The following TBC1D32 variants were observed in gnomAD, a reference collection of about 807,000 sequenced individuals.
TBC1D32 encodes protein broad-minded.
TBC1D32 carries 151 observed loss-of-function variants against 170.3 expected under a neutral mutation model. The ratio of observed to expected loss-of-function variants is 0.89; its 90% CI spans 0.78 to 1.01. The LOEUF (loss-of-function observed/expected upper bound fraction) is 1.01. Ranked by LOEUF, TBC1D32 falls within the 50% of genes least tolerant of loss-of-function variation. The pLI, the probability that TBC1D32 is intolerant of heterozygous loss-of-function variation, is 0.00. For missense variants in TBC1D32, 1,464 were observed against 1,457.1 expected (o/e 1.00, Z -0.08); for synonymous variants, 498 against 488.0 (o/e 1.02, Z -0.27).
At chr6:121,305,059 A>G (rs931978016) in intron 5 of TBC1D32, among the ~76,000 whole-genome samples, 8 of 152,132 alleles carry the variant, frequency 5.3e-5, no homozygotes, top group Non-Finnish European at 1.0e-4. Flanking sequence ...CTATTACTGC[A>G]CAATCCGGTC....
chr6:121,239,022 G>A (rs370144881), intron 20 of TBC1D32, 48 bp downstream of exon 20: 4 of 1,049,784 alleles, frequency 3.8e-6, no homozygotes, highest in African/African-American at 3.1e-5. Context: ...ATTCATTTCT[G>A]TGAAATACTT....
At chr6:121,290,151 G>A (rs1804598651) in intron 12 of TBC1D32, among the ~76,000 whole-genome samples, 1 of 152,134 alleles carries the variant, frequency 6.6e-6, no homozygotes, top group Admixed American at 6.5e-5. Flanking sequence ...TGACAAATGG[G>A]ATCTAATTAA....
At chr6:121,240,101 T>C (rs1290860599) in intron 19 of TBC1D32, among the ~76,000 whole-genome samples, 1 of 152,104 alleles carries the variant, frequency 6.6e-6, no homozygotes, top group East Asian at 1.9e-4. Flanking sequence ...ACATGTGAAG[T>C]TCCTAATATA....
chr6:121,125,454 G>A (rs1043667559), intron 26 of TBC1D32, among the ~76,000 whole-genome samples: 1 of 152,012 alleles, frequency 6.6e-6, no homozygotes, highest in Non-Finnish European at 1.5e-5. Flanking sequence ...TAGGCCCCTC[G>A]GTATCTCCTG....
rs1046022525 is a variant in TBC1D32, at chr6:121,079,846, T to A, written c.*925A>T. On this transcript the variant is annotated 3_prime_UTR_variant, in exon 32 of 32. Transcript: ENST00000398212. ...ATAACAAATAAGAGTAGAATGCTTA[T>A]CAGTATGAAATAACCAATCTATCTC... 6.6e-6 allele frequency: 1 copy of A among 152,174 alleles called. No homozygotes were observed. The highest frequency in any genetic ancestry group is 1.5e-5 in the Non-Finnish European group (1 of 68,022). 9.4% of individuals were successfully genotyped at this position (152,174 alleles called of 1,614,324 possible).
At chr6:121,289,133 T>C (rs576475251) in intron 12 of TBC1D32, among the ~76,000 whole-genome samples, 1 of 152,212 alleles carries the variant, frequency 6.6e-6, no homozygotes, top group Non-Finnish European at 1.5e-5. Context: ...TATTCAACAA[T>C]AGTGTTGGAA....
intron 15 of TBC1D32, among the ~76,000 whole-genome samples, chr6:121,274,008 C>T (rs974769602): frequency 6.6e-6 from 1 of 151,988 alleles, no homozygotes; most frequent in Non-Finnish European, 1.5e-5. Context: ...GTTCTTTGCT[C>T]AATTAAACTC....
At chr6:121,109,504 T>G (rs1779003180) in intron 29 of TBC1D32, among the ~76,000 whole-genome samples, 2 of 152,134 alleles carry the variant, frequency 1.3e-5, no homozygotes, top group Admixed American at 1.3e-4. Flanking sequence ...TCTTTGAAAT[T>G]AGATATTTCT....
At chr6:121,198,991 A>G (rs568236430) in intron 22 of TBC1D32, among the ~76,000 whole-genome samples, 2 of 151,478 alleles carry the variant, frequency 1.3e-5, no homozygotes, top group East Asian at 1.9e-4. Context: ...GACGCAATAA[A>G]TATTTTCTGA....
At chr6:121,261,212 CTCTGAGGAA>C (rs1799722247) in intron 15 of TBC1D32, among the ~76,000 whole-genome samples, 1 of 152,206 alleles carries the variant, frequency 6.6e-6, no homozygotes, top group Admixed American at 6.5e-5. Context: ...CTCCTGCTAG[CTCTGAGGAA>C]TCTGGGCAGA....
intron 22 of TBC1D32, among the ~76,000 whole-genome samples, chr6:121,190,958 T>C (rs1452439826): frequency 1.3e-5 from 2 of 149,474 alleles, no homozygotes; most frequent in Admixed American, 1.3e-4. Flanking sequence ...ACATTTCTTT[T>C]CTATTAACAG....
chr6:121,214,599 G>A (rs1163299193), intron 21 of TBC1D32, among the ~76,000 whole-genome samples: 1 of 152,068 alleles, frequency 6.6e-6, no homozygotes, highest in Non-Finnish European at 1.5e-5. Flanking sequence ...AACACAGCAG[G>A]GCCCAAAATC....
rs542125387 is a variant in TBC1D32, at chr6:121,324,495, C to T, written c.156-2701G>A. ...ATTTTGTAAATCTAATGTCTTATAA[C>T]ATTAGATTGAAATAGCAAACATTAA... On this transcript the variant is annotated intron_variant, in intron 1 of 31. Transcript: ENST00000398212. Among the ~76,000 whole-genome samples the T allele has an allele frequency of 3.9e-5, 6 of 152,120 alleles. 1 individual carries two copies. The East Asian group carries it at 5.8e-4, about 15-fold the overall frequency.
At chr6:121,249,388 C>T (rs1055007530) in intron 17 of TBC1D32, among the ~76,000 whole-genome samples, 1 of 151,814 alleles carries the variant, frequency 6.6e-6, no homozygotes, top group African/African-American at 2.4e-5. Flanking sequence ...TGAAAGCATT[C>T]CCCCTGAGAG....
chr6:121,126,305 T>A (rs530561293), intron 26 of TBC1D32, 73 bp downstream of exon 26: 15 of 1,115,094 alleles, frequency 1.3e-5, no homozygotes, highest in Admixed American at 8.5e-5. Context: ...ATCTGTAATA[T>A]CATTACACAT....
intron 21 of TBC1D32, among the ~76,000 whole-genome samples, chr6:121,213,500 AAAATAAAATAAAATAAAATAAAAT>A (rs1366775549): frequency 0.036 from 649 of 18,068 alleles, 43 homozygotes; most frequent in East Asian, 0.33. Flanking sequence ...AAAATAAAAT[AAAATAAAATAAAATAAAATAAAAT>A]AAATAAAATA....
At chr6:121,171,573 T>C (rs1218335798) in intron 22 of TBC1D32, among the ~76,000 whole-genome samples, 1 of 152,158 alleles carries the variant, frequency 6.6e-6, no homozygotes, top group Non-Finnish European at 1.5e-5. Context: ...ATATTTGCCT[T>C]ATCTAAATAT....
At chr6:121,291,454 C>A (rs1804857922) in intron 12 of TBC1D32, among the ~76,000 whole-genome samples, 1 of 151,824 alleles carries the variant, frequency 6.6e-6, no homozygotes, top group Non-Finnish European at 1.5e-5. Context: ...AAACAAAAAA[C>A]AGTTTGCTGT....
chr6:121,144,124 C>T (rs1042868102), intron 24 of TBC1D32, among the ~76,000 whole-genome samples: 1 of 152,138 alleles, frequency 6.6e-6, no homozygotes, highest in Non-Finnish European at 1.5e-5. Context: ...TATTCAAACA[C>T]TTGTGCTTTA....
Sources: allele counts gnomAD v4.1 joint callset (sites outside exome capture counted in the v4.1 genomes callset), GRCh38; gene constraint gnomAD v4.1.1; transcripts MANE v1.5; gene names NCBI Gene and HGNC (gene_info 2026-07-23, HGNC 2026-07-21).